The following PSD3 variants were observed in gnomAD, a reference collection of about 807,000 sequenced individuals.
The protein encoded by PSD3 is pleckstrin and Sec7 domain containing 3.
Under a neutral mutation model 105.5 loss-of-function variants are expected in PSD3, and 49 were observed. That is an observed-to-expected ratio of 0.46 (90% CI 0.37 to 0.59). The LOEUF is 0.59. Ranked by LOEUF, PSD3 falls within the 20% of genes least tolerant of loss-of-function variation. PSD3 has a pLI of 0.00. For missense variants in PSD3, 1,561 were observed against 1,263.8 expected (o/e 1.24, Z -3.57); for synonymous variants, 557 against 457.8 (o/e 1.22, Z -2.77).
At chr8:18,875,165 C>T (rs1032330398) in intron 2 of PSD3, among the ~76,000 whole-genome samples, 16 of 152,246 alleles carry the variant, frequency 1.1e-4, no homozygotes, top group East Asian at 7.7e-4. Context: ...ATGATCCTCT[C>T]GCCTTGACCT....
In PSD3 at chr8:18,765,477, C is replaced by T; in HGVS notation, c.2144G>A (p.Gly715Asp). The T allele has an allele frequency of 6.2e-7, 1 of 1,612,816 alleles. No homozygotes were observed. The highest frequency in any genetic ancestry group is 8.5e-7 in the Non-Finnish European group (1 of 1,178,818). ...FIANLQGVNE[G>D]VDFSKDLLKA... ...CAGCAGATCCTTGGAGAAATCAACACCCTCATTTACCCCTTGCAGATTTGC... is the reference window on the plus strand; with the variant it reads ...CAGCAGATCCTTGGAGAAATCAACATCCTCATTTACCCCTTGCAGATTTGC... Residue 715 changes from glycine (G) to aspartate (D), a missense_variant, in exon 9 of 16, where the codon GGT becomes GAT. Gly to Asp is a moderately conservative substitution (Grantham distance 94). Transcript: ENST00000327040.
At chr8:18,880,970 G>A (rs1163297691) in intron 2 of PSD3, among the ~76,000 whole-genome samples, 1 of 152,136 alleles carries the variant, frequency 6.6e-6, no homozygotes, top group African/African-American at 2.4e-5. Flanking sequence ...AGTGTAGAGT[G>A]TGGAGGAGGG....
chr8:18,720,997 G>C (rs1025600694), intron 9 of PSD3: 1 of 152,116 alleles, frequency 6.6e-6, no homozygotes, highest in Non-Finnish European at 1.5e-5. Context: ...AGGTTCATCT[G>C]TCAATGTGAA....
At chr8:18,765,391 C>G in intron 9 of PSD3, 58 bp downstream of exon 9, 1 of 1,438,362 alleles carries the variant, frequency 7.0e-7, no homozygotes, top group Non-Finnish European at 9.8e-7. Flanking sequence ...TAGGATTAAG[C>G]TGTAAGCAGC....
At chr8:18,740,793 T>TCTCCTAGTC (rs1404503754) in intron 9 of PSD3, among the ~76,000 whole-genome samples, 1 of 152,178 alleles carries the variant, frequency 6.6e-6, no homozygotes, top group African/African-American at 2.4e-5. Flanking sequence ...CACGACTTTG[T>TCTCCTAGTC]CTCCTAGTCC....
intron 1 of PSD3, among the ~76,000 whole-genome samples, chr8:19,071,145 C>T (rs578238272): frequency 3.2e-4 from 49 of 151,924 alleles, no homozygotes; most frequent in Non-Finnish European, 4.6e-4. Flanking sequence ...CTGCAACCTC[C>T]GCCTCCTGGG....
At chr8:18,817,329 C>T (rs1223484343) in intron 4 of PSD3, among the ~76,000 whole-genome samples, 1 of 152,174 alleles carries the variant, frequency 6.6e-6, no homozygotes, top group Non-Finnish European at 1.5e-5. Context: ...TCTGCAGTAC[C>T]TCTCCATGAC....
intron 2 of PSD3, among the ~76,000 whole-genome samples, chr8:18,910,196 AT>A (rs1563409953): frequency 1.3e-5 from 2 of 151,244 alleles, no homozygotes; most frequent in African/African-American, 2.4e-5. Context: ...ACGTATGTTT[AT>A]TGCGGCACTA....
At chr8:18,783,673 G>T (rs2129445528) in intron 8 of PSD3, among the ~76,000 whole-genome samples, 1 of 152,242 alleles carries the variant, frequency 6.6e-6, no homozygotes, top group East Asian at 1.9e-4. Flanking sequence ...TTGCTCTGTT[G>T]CCCAGGCTGG....
At chr8:18,927,448 G>A (rs377042756) in intron 2 of PSD3, among the ~76,000 whole-genome samples, 4 of 152,108 alleles carry the variant, frequency 2.6e-5, no homozygotes, top group Non-Finnish European at 4.4e-5. Context: ...TCCTGACCTC[G>A]TGATCCACCC....
At chr8:18,893,526 TCAAA>T (rs1466400475) in intron 2 of PSD3, among the ~76,000 whole-genome samples, 1 of 152,230 alleles carries the variant, frequency 6.6e-6, no homozygotes, top group Non-Finnish European at 1.5e-5. Flanking sequence ...AAGATTTTCT[TCAAA>T]CAGTCTAGTT....
chr8:18,882,846 T>TACACAC (rs139256546), intron 2 of PSD3, among the ~76,000 whole-genome samples: 1 of 150,114 alleles, frequency 6.7e-6, no homozygotes, highest in Non-Finnish European at 1.5e-5. Flanking sequence ...TAGATATATA[T>TACACAC]ACACACACAC....
chr8:18,916,297 GATATATATATATAT>G (rs71218908), intron 2 of PSD3, among the ~76,000 whole-genome samples: 1,362 of 30,944 alleles, frequency 0.044, 57 homozygotes, highest in African/African-American at 0.051. Context: ...TAAAAAAAGT[GATATATATATATAT>G]ATATATATAT....
intron 2 of PSD3, among the ~76,000 whole-genome samples, chr8:18,925,655 G>A (rs1471196484): frequency 3.3e-5 from 5 of 152,096 alleles, no homozygotes; most frequent in South Asian, 4.1e-4. Flanking sequence ...TGTGTGATGG[G>A]TTTATTCAAG....
chr8:18,607,760 C>T (rs1804959249), intron 11 of PSD3, among the ~76,000 whole-genome samples: 1 of 147,776 alleles, frequency 6.8e-6, no homozygotes, highest in Admixed American at 6.8e-5. Context: ...TAAAGATGTA[C>T]CTATGACTGG....
intron 9 of PSD3, among the ~76,000 whole-genome samples, chr8:18,760,068 G>A (rs1327993064): frequency 1.3e-5 from 2 of 151,346 alleles, no homozygotes; most frequent in African/African-American, 4.9e-5. Flanking sequence ...GAAATGCAGA[G>A]GATCAAGACA....
At chr8:18,894,596 C>T (rs967261355) in intron 2 of PSD3, among the ~76,000 whole-genome samples, 8 of 152,100 alleles carry the variant, frequency 5.3e-5, no homozygotes, top group African/African-American at 1.9e-4. Context: ...AACTGGGTAA[C>T]AGAACAAGGA....
At chr8:18,813,869 C>T (rs540668231) in intron 4 of PSD3, among the ~76,000 whole-genome samples, 17 of 152,284 alleles carry the variant, frequency 1.1e-4, no homozygotes, top group African/African-American at 4.1e-4. Flanking sequence ...AGATGTCTGG[C>T]ATACGGTAAA....
chr8:18,765,607 T>C, intron 8 of PSD3, 69 bp from the exon 9 acceptor site: 2 of 1,256,938 alleles, frequency 1.6e-6, no homozygotes, highest in Admixed American at 1.7e-5. Context: ...AAATATATGA[T>C]GAGGCAGACC....
Sources: gnomAD v4.1 joint callset for allele counts (sites outside exome capture counted in the v4.1 genomes callset) on GRCh38, gnomAD v4.1.1 for gene constraint, MANE v1.5 for transcripts, NCBI Gene and HGNC (gene_info 2026-07-23, HGNC 2026-07-21) for gene names.